The following ABHD2 variants were observed in gnomAD, a reference collection of about 807,000 sequenced individuals.
ABHD2 encodes abhydrolase domain containing 2, acylglycerol lipase.
In ABHD2, 20 loss-of-function variants were observed where a neutral mutation model predicts 48.1. The observed-to-expected ratio is 0.42, with a 90% CI of 0.29 to 0.60. The LOEUF is 0.60. Ranked by LOEUF, ABHD2 falls within the 20% of genes least tolerant of loss-of-function variation. The pLI is 0.24. For missense variants in ABHD2, 405 were observed against 550.9 expected (o/e 0.74, Z 2.65); for synonymous variants, 209 against 214.2 (o/e 0.98, Z 0.21).
intron 3 of ABHD2, among the ~76,000 whole-genome samples, chr15:89,142,828 C>T (rs555738350): frequency 1.1e-4 from 16 of 152,208 alleles, no homozygotes; most frequent in African/African-American, 2.2e-4. Context: ...CATGCAGGAA[C>T]GGAATACCAG....
At position 89,168,580 on chromosome 15, in the gene ABHD2, G is replaced by A. The variant is rs563915276; in HGVS notation, c.539-7232G>A. 1.8e-4 allele frequency among the ~76,000 whole-genome samples: 28 copies of A among 152,264 alleles called. No individual in the cohort carries two copies. The highest frequency in any genetic ancestry group is 1.7e-3 in the Admixed American group (26 of 15,300). The stretch of plus-strand genomic sequence containing the variant: ...CATCCAGCAGTCTGTCTGACATCAG[G>A]CAGGGTTGGCCCTTTATCCAGATCA... On this transcript the variant is annotated intron_variant, in intron 5 of 10. Coordinates refer to ENST00000352732, the MANE Select transcript of ABHD2 (RefSeq NM_152924.5). The surrounding 1 kb of genome is among the most constrained non-coding windows in gnomAD (Gnocchi z 4.8).
chr15:89,098,778 G>T (rs2049654854), intron 1 of ABHD2, among the ~76,000 whole-genome samples: 2 of 152,136 alleles, frequency 1.3e-5, no homozygotes, highest in South Asian at 4.1e-4. Context: ...TCACCCATCA[G>T]TCTATTTATT....
At chr15:89,043,565 AGAG>A in the ABHD2 span, among the ~76,000 whole-genome samples, 3 of 145,880 alleles carry the variant, frequency 2.1e-5, no homozygotes, top group African/African-American at 7.6e-5. Context: ...GAGGAGAGGA[AGAG>A]GAAGAAAAGA....
At chr15:89,178,916 A>C (rs1039869449) in intron 6 of ABHD2, among the ~76,000 whole-genome samples, 4 of 152,216 alleles carry the variant, frequency 2.6e-5, no homozygotes, top group Non-Finnish European at 4.4e-5. Flanking sequence ...TTCCCAAGAA[A>C]GCCCTCAACA....
chr15:89,170,633 C>G (rs1331938748), intron 5 of ABHD2, among the ~76,000 whole-genome samples: 1 of 152,164 alleles, frequency 6.6e-6, no homozygotes, highest in African/African-American at 2.4e-5. Flanking sequence ...CTTCCAAGGC[C>G]TATACCAATG....
At chr15:89,135,111 T>A (rs2050282140) in intron 3 of ABHD2, among the ~76,000 whole-genome samples, 1 of 150,736 alleles carries the variant, frequency 6.6e-6, no homozygotes, top group Non-Finnish European at 1.5e-5. Context: ...TTAGAAGCAT[T>A]CAGAATGTCA....
At chr15:89,088,146 T>A (rs900170957), upstream of ABHD2, 1 of 152,522 alleles carries the variant, frequency 6.6e-6, no homozygotes, top group African/African-American at 2.4e-5. This position sits in a 1 kb window ranked among gnomAD's most constrained non-coding sequence, Gnocchi z 6.8. Flanking sequence ...ACGACCCACC[T>A]TCTAGCCCTC....
intron 3 of ABHD2, among the ~76,000 whole-genome samples, chr15:89,122,076 C>T (rs2050060820): frequency 6.6e-6 from 1 of 152,154 alleles, no homozygotes; most frequent in African/African-American, 2.4e-5. Flanking sequence ...GCCATCCTTC[C>T]ACCTTGGCCT....
At chr15:89,066,420 A>G in the ABHD2 span, among the ~76,000 whole-genome samples, 1 of 152,142 alleles carries the variant, frequency 6.6e-6, no homozygotes. Context: ...TCTCTTATAA[A>G]GATACCAGTC....
intron 7 of ABHD2, among the ~76,000 whole-genome samples, chr15:89,187,899 A>G (rs2051238240): frequency 6.6e-6 from 1 of 152,150 alleles, no homozygotes; most frequent in Non-Finnish European, 1.5e-5. Context: ...CCCATGGCCC[A>G]CCACTCACCA....
chr15:89,100,348 C>T lies in ABHD2; in HGVS notation c.-107+11785C>T, dbSNP rs1045312828. ...TCACCCAGGCTGGAGTGCAATAGTG[C>T]GATCATAGCTCACTGTAGCCTCAAT... On this transcript the variant is annotated intron_variant, in intron 1 of 10. Coordinates refer to ENST00000352732, the MANE Select transcript of ABHD2 (RefSeq NM_152924.5). This position sits in a 1 kb window ranked among gnomAD's most constrained non-coding sequence, Gnocchi z 4.4. Among the ~76,000 whole-genome samples the T allele has an allele frequency of 6.6e-6, 1 of 150,656 alleles. No individual in the cohort carries two copies. Among genetic ancestry groups the T allele is most frequent in the Non-Finnish European group, 1.5e-5 (1 of 67,850 alleles).
chr15:89,126,514 G>A (rs1383497732), intron 3 of ABHD2, among the ~76,000 whole-genome samples: 1 of 152,144 alleles, frequency 6.6e-6, no homozygotes, highest in Non-Finnish European at 1.5e-5. Flanking sequence ...CTGACCCTGT[G>A]AATTCAGAGG....
chr15:89,065,708 A>G, the ABHD2 span, among the ~76,000 whole-genome samples: 1 of 152,134 alleles, frequency 6.6e-6, no homozygotes, highest in East Asian at 1.9e-4. Context: ...CACCCTCCTT[A>G]TGTCTATACA....
At chr15:89,193,420 T>C in intron 10 of ABHD2, 101 bp downstream of exon 10, 1 of 911,548 alleles carries the variant, frequency 1.1e-6, no homozygotes, top group Non-Finnish European at 1.8e-6. Flanking sequence ...CCACCCTCTT[T>C]AGGGAAAGAC....
At chr15:89,076,370 T>C in the ABHD2 span, among the ~76,000 whole-genome samples, 3 of 152,234 alleles carry the variant, frequency 2.0e-5, no homozygotes, top group Non-Finnish European at 4.4e-5. Flanking sequence ...CATCAGTATG[T>C]CAATATGTAT....
intron 1 of ABHD2, among the ~76,000 whole-genome samples, chr15:89,112,487 T>G (rs1292450040): frequency 6.6e-6 from 1 of 152,182 alleles, no homozygotes; most frequent in African/African-American, 2.4e-5. Context: ...CGGCCCCACC[T>G]CACCACAGCC....
At position 89,184,642 on chromosome 15, in the gene ABHD2, A is replaced by G. The variant is rs929698309; in HGVS notation, c.723-782A>G. ...CATCTGGCTGGGGAAGCACATGGCCAGGGCTGGTGGTGCTGTCTCCTCCCT... is the reference window on the plus strand; with the variant it reads ...CATCTGGCTGGGGAAGCACATGGCCGGGGCTGGTGGTGCTGTCTCCTCCCT... On this transcript the variant is annotated intron_variant, in intron 6 of 10. Transcript: ENST00000352732. The surrounding 1 kb of genome is among the most constrained non-coding windows in gnomAD (Gnocchi z 5.1). Among the ~76,000 whole-genome samples, 1 of 152,206 alleles carries G rather than the reference A, an allele frequency of 6.6e-6. No individual in the cohort carries two copies. Among genetic ancestry groups the G allele is most frequent in the African/African-American group, 2.4e-5 (1 of 41,446 alleles).
At chr15:89,181,060 T>C (rs1454074165) in intron 6 of ABHD2, among the ~76,000 whole-genome samples, 1 of 151,892 alleles carries the variant, frequency 6.6e-6, no homozygotes, top group Non-Finnish European at 1.5e-5. Flanking sequence ...ACACCACCTC[T>C]ACTAGAAATA....
chr15:89,084,793 C>G (rs1486620246), upstream of ABHD2, among the ~76,000 whole-genome samples: 1 of 152,140 alleles, frequency 6.6e-6, no homozygotes, highest in African/African-American at 2.4e-5. The surrounding 1 kb of genome is among the most constrained non-coding windows in gnomAD (Gnocchi z 4.4). Flanking sequence ...GTTTGATGCA[C>G]TTTGCATCTG....
Sources: gnomAD v4.1 joint callset for allele counts (sites outside exome capture counted in the v4.1 genomes callset) on GRCh38, gnomAD v4.1.1 for gene constraint, Gnocchi (gnomAD v3.1) non-coding constraint, MANE v1.5 for transcripts, NCBI Gene and HGNC (gene_info 2026-07-23, HGNC 2026-07-21) for gene names.